Variants in STARD13 observed in about 807,000 individuals in gnomAD.
STARD13 encodes StAR related lipid transfer domain containing 13.
STARD13 carries 62 observed loss-of-function variants against 106.4 expected under a neutral mutation model. That is an observed-to-expected ratio of 0.58 (90% CI 0.48 to 0.72). STARD13 has a LOEUF of 0.72. STARD13 is among the 30% of genes least tolerant of loss of function. STARD13 has a pLI of 0.00. For missense variants in STARD13, 1,387 were observed against 1,424.0 expected (o/e 0.97, Z 0.42); for synonymous variants, 565 against 553.0 (o/e 1.02, Z -0.31).
At chr13:33,616,372 T>A in the STARD13 span, among the ~76,000 whole-genome samples, 2 of 152,242 alleles carry the variant, frequency 1.3e-5, no homozygotes, top group African/African-American at 4.8e-5. Context: ...GACAGCAGTG[T>A]GCTGGTGGTT....
At chr13:33,575,882 G>A in the STARD13 span, among the ~76,000 whole-genome samples, 5,193 of 152,114 alleles carry the variant, frequency 0.034, 121 homozygotes, top group Non-Finnish European at 0.055. Flanking sequence ...TAATGTACAA[G>A]AAATTTGCAA....
Position 33,187,737 on chromosome 13 carries a change from C to CA in STARD13, c.170-20116dup, listed in dbSNP as rs1316965877. 3.3e-5 allele frequency among the ~76,000 whole-genome samples: 5 copies of CA among 152,150 alleles called. 1 individual carries two copies. The East Asian group carries it at 7.7e-4, about 23-fold the overall frequency. ...TTGATCTGTCACCCAGGCTGGACTGCAGTGGCATGATCTCAGCTCACTGTA... is the reference window on the plus strand; with the variant it reads ...TTGATCTGTCACCCAGGCTGGACTGCAAGTGGCATGATCTCAGCTCACTGTA... On this transcript the variant is annotated intron_variant, in intron 1 of 13. Coordinates refer to ENST00000336934, the MANE Select transcript of STARD13 (RefSeq NM_178006.4).
At chr13:33,534,380 AG>A in the STARD13 span, among the ~76,000 whole-genome samples, 1 of 152,238 alleles carries the variant, frequency 6.6e-6, no homozygotes, top group African/African-American at 2.4e-5. Flanking sequence ...AAGCAGTTTA[AG>A]AATGTTATGC....
At chr13:33,460,317 C>G in the STARD13 span, among the ~76,000 whole-genome samples, 14 of 151,184 alleles carry the variant, frequency 9.3e-5, no homozygotes, top group South Asian at 2.7e-3. Flanking sequence ...GAAACCCTGT[C>G]TCTAGTAAAA....
chr13:33,505,579 A>G, the STARD13 span, among the ~76,000 whole-genome samples: 1 of 152,200 alleles, frequency 6.6e-6, no homozygotes, highest in Non-Finnish European at 1.5e-5. Context: ...GACAATTTTC[A>G]AATTTGTCTG....
At chr13:33,159,846 A>G (rs1310211763) in intron 3 of STARD13, among the ~76,000 whole-genome samples, 1 of 152,224 alleles carries the variant, frequency 6.6e-6, no homozygotes, top group East Asian at 1.9e-4. Flanking sequence ...GGAGACCTAA[A>G]TAGAGACATA....
At chr13:33,430,455 T>C in the STARD13 span, among the ~76,000 whole-genome samples, 1 of 152,210 alleles carries the variant, frequency 6.6e-6, no homozygotes, top group South Asian at 2.1e-4. Context: ...GTGGAGAAAG[T>C]AGAATTTGTG....
intron 1 of STARD13, among the ~76,000 whole-genome samples, chr13:33,201,623 C>T (rs140409407): frequency 6.6e-6 from 1 of 152,212 alleles, no homozygotes; most frequent in East Asian, 1.9e-4. Flanking sequence ...TCCATGCAGT[C>T]AATTTTTAAA....
intron 1 of STARD13, among the ~76,000 whole-genome samples, chr13:33,207,168 G>A (rs1010439149): frequency 6.6e-6 from 1 of 152,220 alleles, no homozygotes; most frequent in African/African-American, 2.4e-5. Context: ...AAGGTGCAGA[G>A]TATACAGTGC....
chr13:33,499,767 T>C, the STARD13 span, among the ~76,000 whole-genome samples: 15 of 142,648 alleles, frequency 1.1e-4, 1 homozygote, highest in African/African-American at 2.8e-4. Context: ...CTTTCTTTTT[T>C]TTTTTTTTTT....
intron 1 of STARD13, among the ~76,000 whole-genome samples, chr13:33,261,475 A>T (rs1890638166): frequency 6.6e-6 from 1 of 152,232 alleles, no homozygotes; most frequent in African/African-American, 2.4e-5. Flanking sequence ...CATATCATTT[A>T]TAGAAACTAT....
chr13:33,504,540 G>T, the STARD13 span, among the ~76,000 whole-genome samples: 1 of 149,158 alleles, frequency 6.7e-6, no homozygotes, highest in Admixed American at 6.9e-5. Flanking sequence ...TCACTCATAG[G>T]GGAGAATTGA....
At chr13:33,388,322 T>C in the STARD13 span, among the ~76,000 whole-genome samples, 1 of 151,948 alleles carries the variant, frequency 6.6e-6, no homozygotes, top group African/African-American at 2.4e-5. Context: ...AGATCAAGAG[T>C]GACTGCCTAG....
intron 1 of STARD13, among the ~76,000 whole-genome samples, chr13:33,262,090 C>G (rs143709951): frequency 6.6e-6 from 1 of 152,174 alleles, no homozygotes; most frequent in South Asian, 2.1e-4. Flanking sequence ...ACAGACTAAG[C>G]GGGCAAAGCC....
chr13:33,348,194 C>G (rs759609851), downstream of STARD13, among the ~76,000 whole-genome samples: 1 of 152,136 alleles, frequency 6.6e-6, no homozygotes, highest in South Asian at 2.1e-4. Context: ...AACCTCATAC[C>G]GCTATTTTAA....
chr13:33,513,631 T>C, the STARD13 span, among the ~76,000 whole-genome samples: 1 of 152,316 alleles, frequency 6.6e-6, no homozygotes, highest in Admixed American at 6.5e-5. Flanking sequence ...TTAAATTCCA[T>C]AGCACATAAA....
chr13:33,200,110 C>T (rs1321836943), intron 1 of STARD13, among the ~76,000 whole-genome samples: 2 of 152,220 alleles, frequency 1.3e-5, no homozygotes, highest in African/African-American at 4.8e-5. Flanking sequence ...ATAAACAGGT[C>T]TTTGGGGAGG....
chr13:33,668,857 GCTAA>G, the STARD13 span, among the ~76,000 whole-genome samples: 1 of 152,102 alleles, frequency 6.6e-6, no homozygotes, highest in African/African-American at 2.4e-5. Context: ...TGGCATAGAG[GCTAA>G]CTAAAAACAG....
At chr13:33,541,574 T>C in the STARD13 span, among the ~76,000 whole-genome samples, 1 of 152,210 alleles carries the variant, frequency 6.6e-6, no homozygotes, top group African/African-American at 2.4e-5. Flanking sequence ...TATTTGGCAA[T>C]TTCGGACAAT....
Sources: allele counts gnomAD v4.1 joint callset (sites outside exome capture counted in the v4.1 genomes callset), GRCh38; gene constraint gnomAD v4.1.1; transcripts MANE v1.5; gene names NCBI Gene and HGNC (gene_info 2026-07-23, HGNC 2026-07-21).